Variants in SULT2B1 observed in about 807,000 individuals in gnomAD.
SULT2B1 encodes the protein sulfotransferase family 2B member 1.
In SULT2B1, 16 loss-of-function variants were observed where a neutral mutation model predicts 33.2. That is an observed-to-expected ratio of 0.48 (90% confidence interval 0.33 to 0.73). The LOEUF (loss-of-function observed/expected upper bound fraction) is 0.73, where lower values mean the gene tolerates loss of function less well. Among genes scored for constraint, SULT2B1 ranks in the 30% least tolerant of loss-of-function variants. The pLI is 0.02. For synonymous variants in SULT2B1, 186 were observed against 200.5 expected (o/e 0.93, Z 0.61); for missense variants, 500 against 506.0 (o/e 0.99, Z 0.11).
intron 1 of SULT2B1, among the ~76,000 whole-genome samples, chr19:48,555,438 C>T (rs745336791): frequency 1.3e-5 from 2 of 152,056 alleles, no homozygotes; most frequent in Non-Finnish European, 2.9e-5. Flanking sequence ...TGTTCCCTGC[C>T]ACAGTGCCTT....
chr19:48,566,540 A>G (rs1225577728), intron 1 of SULT2B1, among the ~76,000 whole-genome samples: 1 of 152,166 alleles, frequency 6.6e-6, no homozygotes, highest in Non-Finnish European at 1.5e-5. Flanking sequence ...ATTACTAAAA[A>G]TACAAAAATT....
chr19:48,589,801 A>T (rs1387626478), intron 3 of SULT2B1, among the ~76,000 whole-genome samples: 1 of 152,294 alleles, frequency 6.6e-6, no homozygotes, highest in South Asian at 2.1e-4. Context: ...TCTACAAAAA[A>T]GTTTAAAAAT....
chr19:48,565,498 G>C (rs933096877), intron 1 of SULT2B1, among the ~76,000 whole-genome samples: 10 of 151,892 alleles, frequency 6.6e-5, no homozygotes, highest in Non-Finnish European at 1.0e-4. Flanking sequence ...TCCTGCCTCA[G>C]CCTCCCGAGT....
intron 3 of SULT2B1, among the ~76,000 whole-genome samples, chr19:48,589,027 A>G (rs570257615): frequency 8.4e-4 from 128 of 152,338 alleles, no homozygotes; most frequent in African/African-American, 2.9e-3. Context: ...GGATCGCAGC[A>G]GAGGAGGAGC....
chr19:48,560,669 C>T (rs4801765), intron 1 of SULT2B1, among the ~76,000 whole-genome samples: 56,029 of 152,012 alleles, frequency 0.37, 11,872 homozygotes, highest in African/African-American at 0.59. Flanking sequence ...ATTTCAAAAA[C>T]TGTCAATGAG....
chr19:48,555,549 C>CCTCTCT (rs142655043), intron 1 of SULT2B1, among the ~76,000 whole-genome samples: 4,454 of 124,060 alleles, frequency 0.036, 169 homozygotes, highest in African/African-American at 0.084. Flanking sequence ...CCAGAGACAT[C>CCTCTCT]CTCTCTCTCT....
At chr19:48,596,480 A>T in intron 5 of SULT2B1, 1 of 242,066 alleles carries the variant, frequency 4.1e-6, no homozygotes, top group Non-Finnish European at 7.2e-6. Flanking sequence ...CCCTGCTGTG[A>T]CCTCTGCCCC....
chr19:48,573,100 T>C (rs1973351539), intron 1 of SULT2B1, among the ~76,000 whole-genome samples: 1 of 147,728 alleles, frequency 6.8e-6, no homozygotes, highest in African/African-American at 2.5e-5. Flanking sequence ...GAGGTTGCAG[T>C]GAGCCGAGAT....
intron 5 of SULT2B1, among the ~76,000 whole-genome samples, chr19:48,594,665 C>T (rs756658330): frequency 1.3e-5 from 2 of 152,278 alleles, no homozygotes; most frequent in Middle Eastern, 3.4e-3. Context: ...CCTGGAAAAT[C>T]GGAGCCATGG....
intron 1 of SULT2B1, among the ~76,000 whole-genome samples, chr19:48,564,381 G>A (rs1474008734): frequency 6.7e-6 from 1 of 149,844 alleles, no homozygotes; most frequent in African/African-American, 2.5e-5. Context: ...GTGAAACCCT[G>A]TCTCTACTAA....
chr19:48,572,288 G>A (rs1461469257), intron 1 of SULT2B1, among the ~76,000 whole-genome samples: 1 of 152,128 alleles, frequency 6.6e-6, no homozygotes. Context: ...GCCGAGGTGG[G>A]CGGATCATGA....
intron 1 of SULT2B1, chr19:48,575,607 A>C (rs1356278514): frequency 1.1e-5 from 2 of 179,928 alleles, no homozygotes; most frequent in Non-Finnish European, 2.3e-5. Flanking sequence ...CAGCCTCCGG[A>C]GTAACTGGGA....
intron 1 of SULT2B1, among the ~76,000 whole-genome samples, chr19:48,558,260 G>C (rs1489474292): frequency 6.6e-6 from 1 of 152,216 alleles, no homozygotes; most frequent in Non-Finnish European, 1.5e-5. Flanking sequence ...ATCACGCCCT[G>C]GATGGGGAAC....
At chr19:48,554,546 C>T (rs1286496359) in intron 1 of SULT2B1, among the ~76,000 whole-genome samples, 2 of 149,684 alleles carry the variant, frequency 1.3e-5, no homozygotes, top group Non-Finnish European at 3.0e-5. Flanking sequence ...CTTGGCTGTC[C>T]CAGGCTGCTC....
intron 2 of SULT2B1, among the ~76,000 whole-genome samples, chr19:48,581,100 G>A (rs889643456): frequency 7.8e-5 from 10 of 128,460 alleles, no homozygotes; most frequent in African/African-American, 2.4e-4. Context: ...GCAATGGCGC[G>A]ATCTCAGCTC....
Position 48,552,355 on chromosome 19 carries a change from ATCCCAGGGAGGAGG to A in SULT2B1, c.71+34_71+47del. The A allele has an allele frequency of 1.9e-6, 3 of 1,611,094 alleles. No homozygotes were observed. The highest frequency in any genetic ancestry group is 2.5e-6 in the Non-Finnish European group (3 of 1,178,168). ...CCCAGACCTGGGCAGGAGCCAGGAG[ATCCCAGGGAGGAGG>A]TGGCTGTTTGGGGGAGCCGGGGACT... On this transcript the variant is annotated intron_variant, in intron 1 of 6. Coordinates refer to ENST00000201586, the MANE Select transcript of SULT2B1 (RefSeq NM_177973.2). The surrounding 1 kb of genome is among the most constrained non-coding windows in gnomAD (Gnocchi z 4.8).
intron 2 of SULT2B1, among the ~76,000 whole-genome samples, chr19:48,579,605 C>CTTTCTTTCTTTTTTTTTTT (rs71179013): frequency 1.9e-4 from 15 of 79,730 alleles, no homozygotes; most frequent in South Asian, 5.2e-4. Context: ...TTCTTTCTTT[C>CTTTCTTTCTTTTTTTTTTT]TTTTTTTTTT....
chr19:48,582,000 G>A (rs1227012323), intron 2 of SULT2B1, among the ~76,000 whole-genome samples: 1 of 151,516 alleles, frequency 6.6e-6, no homozygotes, highest in African/African-American at 2.4e-5. Context: ...CGCCTCCTGG[G>A]TTCAAGCGAT....
At chr19:48,576,120 A>T in intron 2 of SULT2B1, 37 bp downstream of exon 2, 3,306 of 904,560 alleles carry the variant, frequency 3.7e-3, no homozygotes, top group Non-Finnish European at 5.2e-3. Flanking sequence ...GGCTGGGGAG[A>T]GTGGGGAGGG....
Sources: allele counts gnomAD v4.1 joint callset (sites outside exome capture counted in the v4.1 genomes callset), GRCh38; gene constraint gnomAD v4.1.1; non-coding constraint Gnocchi (gnomAD v3.1); transcripts MANE v1.5; gene names NCBI Gene and HGNC (gene_info 2026-07-23, HGNC 2026-07-21).